LY96: variants seen among roughly 807,000 people sequenced by gnomAD.
The protein encoded by LY96 is lymphocyte antigen 96.
LY96 carries 18 observed loss-of-function variants against 18.9 expected under a neutral mutation model. That is an observed-to-expected ratio of 0.95 (90% confidence interval 0.66 to 1.41). LY96 has a LOEUF of 1.41. LY96 is among the 40% of genes most tolerant of loss of function. The pLI, the probability that LY96 is intolerant of heterozygous loss-of-function variation, is 0.00. For synonymous variants in LY96, 66 were observed against 62.6 expected (o/e 1.06, Z -0.26); for missense variants, 175 against 182.4 (o/e 0.96, Z 0.23).
intron 1 of LY96, among the ~76,000 whole-genome samples, chr8:73,994,683 T>C (rs1586643964): frequency 1.3e-5 from 2 of 152,298 alleles, no homozygotes; most frequent in South Asian, 2.1e-4. Context: ...GATGGGGTTT[T>C]GCCATGTTGT....
chr8:74,011,915 T>C (rs1284246016), intron 3 of LY96, among the ~76,000 whole-genome samples: 2 of 151,510 alleles, frequency 1.3e-5, no homozygotes, highest in East Asian at 3.9e-4. Flanking sequence ...ATAGATACTT[T>C]TCAAAAGAAC....
chr8:74,038,491 C>T, the LY96 span, among the ~76,000 whole-genome samples: 3 of 152,070 alleles, frequency 2.0e-5, no homozygotes, highest in South Asian at 2.1e-4. Context: ...TAATGACCTC[C>T]GGTTCCATTC....
the LY96 span, among the ~76,000 whole-genome samples, chr8:74,086,680 G>A: frequency 1.8e-4 from 28 of 152,254 alleles, no homozygotes; most frequent in Admixed American, 1.4e-3. Flanking sequence ...CCTACCCTAC[G>A]TTCCCAAATT....
chr8:74,064,066 T>C, the LY96 span, among the ~76,000 whole-genome samples: 1 of 152,106 alleles, frequency 6.6e-6, no homozygotes, highest in Admixed American at 6.5e-5. Flanking sequence ...GCCATTAAAA[T>C]AATTTATAGT....
intron 1 of LY96, among the ~76,000 whole-genome samples, chr8:73,998,874 A>G (rs367615347): frequency 6.8e-4 from 104 of 152,226 alleles, no homozygotes; most frequent in African/African-American, 2.3e-3. Flanking sequence ...TGTTTTTACT[A>G]TAAAAGTTTT....
chr8:74,087,836 A>G, the LY96 span, among the ~76,000 whole-genome samples: 3 of 151,962 alleles, frequency 2.0e-5, no homozygotes, highest in African/African-American at 4.8e-5. Flanking sequence ...TTAATATTCA[A>G]ATTATTAGTT....
chr8:74,094,490 G>A, the LY96 span, among the ~76,000 whole-genome samples: 1 of 152,156 alleles, frequency 6.6e-6, no homozygotes, highest in Non-Finnish European at 1.5e-5. Flanking sequence ...CATTATTCAT[G>A]TTATTAATTT....
chr8:74,069,920 T>A, the LY96 span, among the ~76,000 whole-genome samples: 19 of 151,860 alleles, frequency 1.3e-4, no homozygotes, highest in Non-Finnish European at 1.5e-5. Flanking sequence ...TGTTAGAAAA[T>A]GAATCAGTAA....
At chr8:74,097,317 C>A in the LY96 span, among the ~76,000 whole-genome samples, 2 of 152,120 alleles carry the variant, frequency 1.3e-5, no homozygotes, top group Non-Finnish European at 2.9e-5. Flanking sequence ...AATTCACTTT[C>A]CTGTGCCTTA....
chr8:74,029,475 G>GTGAA (rs1364601007), downstream of LY96, among the ~76,000 whole-genome samples: 1 of 152,118 alleles, frequency 6.6e-6, no homozygotes, highest in African/African-American at 2.4e-5. Context: ...TCTCATGATA[G>GTGAA]TGAATGAGTT....
the LY96 span, among the ~76,000 whole-genome samples, chr8:74,084,032 T>TG: frequency 6.6e-6 from 1 of 152,124 alleles, no homozygotes; most frequent in African/African-American, 2.4e-5. Context: ...CTTTTTTTTT[T>TG]TTTGTTTCGT....
At chr8:74,098,735 C>T in the LY96 span, among the ~76,000 whole-genome samples, 2 of 152,204 alleles carry the variant, frequency 1.3e-5, no homozygotes, top group Non-Finnish European at 2.9e-5. Flanking sequence ...TTGCTCTTGA[C>T]AGCAGCTGGT....
At chr8:74,053,265 T>A in the LY96 span, among the ~76,000 whole-genome samples, 15 of 152,374 alleles carry the variant, frequency 9.8e-5, no homozygotes, top group African/African-American at 1.9e-4. Context: ...CCCCTTTTTT[T>A]AATTCCTACT....
At chr8:74,017,790 C>T (rs866929823) in intron 3 of LY96, among the ~76,000 whole-genome samples, 2 of 152,050 alleles carry the variant, frequency 1.3e-5, no homozygotes, top group Admixed American at 6.6e-5. Flanking sequence ...AATTTCATAC[C>T]CAGCCAAACT....
the LY96 span, among the ~76,000 whole-genome samples, chr8:74,082,353 T>G: frequency 1.3e-5 from 2 of 152,236 alleles, no homozygotes. Context: ...GTATAGGTTA[T>G]CAATAAATAC....
chr8:74,036,865 C>G, the LY96 span, among the ~76,000 whole-genome samples: 1 of 152,154 alleles, frequency 6.6e-6, no homozygotes, highest in Non-Finnish European at 1.5e-5. Context: ...AGGTTTTTAC[C>G]CAACCCTGTT....
chr8:74,008,880 G>C (rs948177157), intron 2 of LY96, among the ~76,000 whole-genome samples: 2 of 152,144 alleles, frequency 1.3e-5, no homozygotes, highest in Non-Finnish European at 2.9e-5. Flanking sequence ...CTGAGGAAGA[G>C]GAGTCAGAGA....
chr8:74,020,646 A>G (rs1282222673), intron 3 of LY96, among the ~76,000 whole-genome samples: 1 of 152,236 alleles, frequency 6.6e-6, no homozygotes, highest in Non-Finnish European at 1.5e-5. Context: ...AGCTGGAGGC[A>G]TCATGCTACC....
the LY96 span, among the ~76,000 whole-genome samples, chr8:74,053,828 A>G: frequency 6.6e-6 from 1 of 152,208 alleles, no homozygotes; most frequent in Admixed American, 6.5e-5. Flanking sequence ...ATGTCAGGGT[A>G]AGACCCCCAT....
Sources: allele counts gnomAD v4.1 joint callset (sites outside exome capture counted in the v4.1 genomes callset), GRCh38; gene constraint gnomAD v4.1.1; transcripts MANE v1.5; gene names NCBI Gene and HGNC (gene_info 2026-07-23, HGNC 2026-07-21).